ENTPD6: variants seen among roughly 807,000 people sequenced by gnomAD.
The protein encoded by ENTPD6 is CD39 antigen-like 2.
Under a neutral mutation model 61.5 loss-of-function variants are expected in ENTPD6, and 46 were observed. That is an observed-to-expected ratio of 0.75 (90% confidence interval 0.59 to 0.96). ENTPD6 has a LOEUF of 0.96. ENTPD6 is among the 40% of genes least tolerant of loss of function. ENTPD6 has a pLI of 0.00. For synonymous variants in ENTPD6, 252 were observed against 255.5 expected, an observed-to-expected ratio of 0.99 and a Z score of 0.13; for missense variants, 612 against 629.0, an observed-to-expected ratio of 0.97 and a Z score of 0.29.
chr20:25,218,712 G>A, intron 10 of ENTPD6, 98 bp downstream of exon 10: 2 of 1,251,360 alleles, frequency 1.6e-6, no homozygotes, highest in Non-Finnish European at 2.2e-6. Context: ...GCTTGGCCCT[G>A]CAGGAGAGGT....
At chr20:25,215,408 AGAG>A (rs1329404202) in intron 6 of ENTPD6, among the ~76,000 whole-genome samples, 7 of 152,296 alleles carry the variant, frequency 4.6e-5, no homozygotes, top group African/African-American at 1.7e-4. Context: ...TCTTCCAAAA[AGAG>A]GAGGCCAGTA....
intron 8 of ENTPD6, among the ~76,000 whole-genome samples, 173 bp downstream of exon 8, chr20:25,216,909 A>G (rs1423219650): frequency 6.6e-6 from 1 of 152,190 alleles, no homozygotes; most frequent in Non-Finnish European, 1.5e-5. Context: ...CTCACAGATG[A>G]TGCTTCTGGC....
intron 11 of ENTPD6, chr20:25,221,710 C>A: frequency 5.7e-6 from 2 of 348,728 alleles, no homozygotes; most frequent in Non-Finnish European, 1.1e-5. Flanking sequence ...CTGCTTCCAC[C>A]CATCCTGCTC....
Position 25,217,524 on chromosome 20 carries a change from C to T in ENTPD6, c.821C>T (p.Pro274Leu), listed in dbSNP as rs1174194503. ...CAGGGCACCCTGCAGGCCTCCCCAC[C>T]CGGCTACCTGACGGCACTGCGGATG... ...RVEGTLQASPPGYLTALRMFN... is the reference protein window; with the variant it reads ...RVEGTLQASPLGYLTALRMFN... The change falls in exon 9 of 15, where the codon CCC (proline) becomes CTC (leucine). Residue 274 changes from proline to leucine, a missense_variant. Coordinates refer to ENST00000376652, the MANE Select transcript of ENTPD6 (RefSeq NM_001247.5). The T allele has an allele frequency of 6.2e-7, 1 of 1,614,154 alleles. No homozygotes were observed. Among genetic ancestry groups the T allele is most frequent in the Non-Finnish European group, 8.5e-7 (1 of 1,179,994 alleles).
At chr20:25,212,878 T>C (rs1442702143) in intron 4 of ENTPD6, among the ~76,000 whole-genome samples, 1 of 152,174 alleles carries the variant, frequency 6.6e-6, no homozygotes, top group Non-Finnish European at 1.5e-5. Flanking sequence ...GCTAATTTTT[T>C]GTATTTTTAG....
intron 12 of ENTPD6, 125 bp downstream of exon 12, chr20:25,223,103 G>T: frequency 9.0e-7 from 1 of 1,106,412 alleles, no homozygotes; most frequent in Non-Finnish European, 1.3e-6. Context: ...ATCCCTGCAG[G>T]AGGCCAGAAG....
chr20:25,224,459 A>G (rs2092737642), intron 13 of ENTPD6: 1 of 231,622 alleles, frequency 4.3e-6, no homozygotes, highest in Non-Finnish European at 8.4e-6. Flanking sequence ...TTAAGAAGCC[A>G]AGGCCCTACA....
intron 3 of ENTPD6, 54 bp downstream of exon 3, chr20:25,207,451 T>C: frequency 1.4e-6 from 2 of 1,463,914 alleles, no homozygotes; most frequent in East Asian, 4.6e-5. Context: ...TGCTACAGTG[T>C]TGGCCGGGTC....
Position 25,225,715 on chromosome 20 carries a change from C to G in ENTPD6, c.*118C>G. On this transcript the variant is annotated 3_prime_UTR_variant, in exon 15 of 15. Coordinates refer to ENST00000376652, the MANE Select transcript of ENTPD6 (RefSeq NM_001247.5). ...ACAGGCCGTGCTGGCACTTTCTGCA[C>G]ACTGGCTCTGGGACTTGCAGAAGGC... 1.2e-6 allele frequency: 1 copy of G among 816,992 alleles called. No homozygotes were observed. The highest frequency in any genetic ancestry group is 2.0e-6 in the Non-Finnish European group (1 of 503,368). The allele number at this position is 816,992 out of a possible 1,614,324, so 50.6% of individuals were successfully genotyped here.
intron 12 of ENTPD6, 53 bp downstream of exon 12, chr20:25,223,031 G>A: frequency 2.7e-6 from 4 of 1,464,692 alleles, no homozygotes; most frequent in Non-Finnish European, 2.8e-6. Flanking sequence ...AGGGGGCGGG[G>A]GTGGAGGGCG....
At chr20:25,225,345 GC>G (rs758836032) in intron 14 of ENTPD6, 28 bp downstream of exon 14, 1 of 1,611,342 alleles carries the variant, frequency 6.2e-7, no homozygotes, top group Non-Finnish European at 8.5e-7. Context: ...TCACGCCCCA[GC>G]CCCTTTATGG....
chr20:25,211,696 C>G (rs2091970952), intron 4 of ENTPD6, among the ~76,000 whole-genome samples: 1 of 152,228 alleles, frequency 6.6e-6, no homozygotes. Flanking sequence ...AACCAGTCCT[C>G]TTCTGAAGGA....
chr20:25,196,254 G>A, intron 1 of ENTPD6: 1 of 1,082,334 alleles, frequency 9.2e-7, no homozygotes, highest in East Asian at 5.7e-5. Context: ...CTGGGAAACA[G>A]GTAGGATCAG....
chr20:25,211,073 T>C (rs542196643), intron 4 of ENTPD6, among the ~76,000 whole-genome samples: 1 of 152,384 alleles, frequency 6.6e-6, no homozygotes, highest in African/African-American at 2.4e-5. Flanking sequence ...AGCTTACAGC[T>C]GCACTAATAC....
intron 7 of ENTPD6, among the ~76,000 whole-genome samples, 198 bp downstream of exon 7, chr20:25,215,909 G>A (rs200386205): frequency 2.0e-5 from 3 of 151,994 alleles, no homozygotes; most frequent in East Asian, 1.9e-4. Context: ...TGCTAGGAGT[G>A]GGGTGCTTCT....
intron 1 of ENTPD6, among the ~76,000 whole-genome samples, chr20:25,206,111 C>T (rs192690950): frequency 5.3e-5 from 8 of 152,370 alleles, no homozygotes; most frequent in Admixed American, 3.3e-4. Context: ...AGGGGCTCTC[C>T]AATGAGCAGC....
At chr20:25,216,618 C>T (rs759323258) in intron 7 of ENTPD6, 30 bp from the exon 8 acceptor site, 49 of 1,542,900 alleles carry the variant, frequency 3.2e-5, no homozygotes, top group Non-Finnish European at 3.5e-6. Context: ...TACTAATGCC[C>T]CTGTGCTGTT....
intron 1 of ENTPD6, among the ~76,000 whole-genome samples, chr20:25,201,952 A>G (rs547831024): frequency 9.9e-5 from 15 of 152,168 alleles, no homozygotes; most frequent in Non-Finnish European, 2.1e-4. Context: ...TCCTGGGCTC[A>G]AGATATCCTC....
intron 14 of ENTPD6, 27 bp from the exon 15 acceptor site, chr20:25,225,472 T>C (rs369089365): frequency 6.2e-6 from 10 of 1,606,542 alleles, no homozygotes; most frequent in Non-Finnish European, 8.5e-6. Flanking sequence ...TGTGTGATGG[T>C]CCCCTCTCCC....
Sources: gnomAD v4.1 joint callset for allele counts (sites outside exome capture counted in the v4.1 genomes callset) on GRCh38, gnomAD v4.1.1 for gene constraint, MANE v1.5 for transcripts, NCBI Gene and HGNC (gene_info 2026-07-23, HGNC 2026-07-21) for gene names.